Variants in DCHS1 observed in about 807,000 individuals in gnomAD.
The protein encoded by DCHS1 is protocadherin-16.
DCHS1 carries 78 observed loss-of-function variants against 213.9 expected under a neutral mutation model. The observed-to-expected ratio is 0.36, with a 90% CI of 0.30 to 0.44. DCHS1 has a LOEUF of 0.44. DCHS1 is among the 20% of genes least tolerant of loss of function. The probability of loss-of-function intolerance (pLI) is 1.00; values close to 1 mark genes in which losing one functional copy is unlikely to be tolerated. For missense variants in DCHS1, 3,946 were observed against 4,395.9 expected, an observed-to-expected ratio of 0.90 and a Z score of 2.89; for synonymous variants, 1,828 against 1,873.7, an observed-to-expected ratio of 0.98 and a Z score of 0.63.
chr11:6,628,691 C>A lies in DCHS1; in HGVS notation c.5301G>T (p.Gln1767His), dbSNP rs1855851599. ...CAGAGGCCCGAAGCATGGTAAGGGTCTGGGGGTCCTGGCCCTCAGGCACCT... is the reference window on the plus strand; with the variant it reads ...CAGAGGCCCGAAGCATGGTAAGGGTATGGGGGTCCTGGCCCTCAGGCACCT... ...SLEVPEGQDP[Q>H]TLTMLRASDP... Residue 1767 changes from glutamine (Q) to histidine (H), a missense_variant, in exon 13 of 21, where the codon CAG (glutamine) becomes CAT (histidine). Around this residue, in one of 3 missense-constraint regions of DCHS1, gnomAD observed 3,384 missense variants for 3,780.1 expected, o/e 0.90. Transcript: ENST00000299441. This position sits in a 1 kb window ranked among gnomAD's most constrained non-coding sequence, Gnocchi z 4.3. 8 of 1,614,048 alleles carry A rather than the reference C, an allele frequency of 5.0e-6. No homozygotes were observed. In the East Asian group the frequency reaches 1.8e-4, roughly 36 times the overall value.
Position 6,632,427 on chromosome 11 carries a change from C to T in DCHS1, c.3085G>A (p.Gly1029Arg). Residue 1029 changes from glycine (G) to arginine (R), a missense_variant, in exon 6 of 21, where the codon GGG (glycine) becomes AGG (arginine). By Grantham distance (125) the Gly-to-Arg change is moderately radical. Transcript: ENST00000299441. The surrounding 1 kb of genome is among the most constrained non-coding windows in gnomAD (Gnocchi z 5.9). ...GCAAGGTGATAGGTGATAGGGCCCC[C>T]ATCTGGTGCTTGGGCCTGCACTTGC... The part of the protein sequence containing the change: ...VLQVQAQAPD[G>R]GPITYHLAAE... 6.2e-7 allele frequency: 1 copy of T among 1,610,346 alleles called. No homozygotes were observed.
intron 1 of DCHS1, among the ~76,000 whole-genome samples, chr11:6,647,447 G>A (rs1461261332): frequency 2.0e-5 from 3 of 152,186 alleles, no homozygotes; most frequent in Admixed American, 2.0e-4. Flanking sequence ...GGCCAGAGCA[G>A]TGCCCGGGCC....
Position 6,621,932 on chromosome 11 carries a change from A to G in DCHS1, c.9744T>C (p.Ala3248=), listed in dbSNP as rs180772321. Residue 3248 remains alanine, a synonymous_variant, in exon 21 of 21, where the codon GCT becomes GCC. Transcript: ENST00000299441. ...AGGGTGAGAAGCTGGGGGACATGGC[A>G]GCTGAGGACAGGGAGCCTTCATGGC... ...PISHEGSLSS[A]AMSPSFSPSL... is the part of the protein sequence containing the mutation. 76 of 1,613,200 alleles carry G rather than the reference A, an allele frequency of 4.7e-5. No homozygotes were observed. In the East Asian group the frequency reaches 1.7e-3, roughly 35 times the overall value.
rs1178615949 is a variant in DCHS1, at chr11:6,632,603, G to A, written c.2909C>T (p.Ala970Val). The A allele has an allele frequency of 1.3e-6, 2 of 1,523,048 alleles. No homozygotes were observed. Among genetic ancestry groups the A allele is most frequent in the Admixed American group, 4.1e-5 (2 of 48,518 alleles). The allele number at this position is 1,523,048 out of a possible 1,614,324, so 94.3% of individuals were successfully genotyped here. A position where few individuals can be genotyped will look rare whatever the true frequency, so the allele number is the denominator to read the frequency against. ...GCGTGGTGGGGAGCCCCCATCCCGG[G>A]CCTCCAGCTCCAGCTCATGGGCTGG... is the stretch of plus-strand genomic sequence containing the variant. ...GGPAHELELE[A>V]RDGGSPPRTS... The change falls in exon 6 of 21, where the codon GCC becomes GTC. Residue 970 changes from alanine to valine, a missense_variant. Physicochemically the swap from Ala to Val is moderately conservative, Grantham distance 64. This residue lies in a region of DCHS1 where 3,384 missense variants were observed against 3,780.1 expected (regional missense o/e 0.90). Transcript: ENST00000299441. This position sits in a 1 kb window ranked among gnomAD's most constrained non-coding sequence, Gnocchi z 5.9.
In DCHS1 at chr11:6,623,546, T is replaced by A; in HGVS notation, c.8130A>T (p.Leu2710Phe). 3 of 1,612,106 alleles carry A rather than the reference T, an allele frequency of 1.9e-6. No individual in the cohort carries two copies. The highest frequency in any genetic ancestry group is 2.5e-6 in the Non-Finnish European group (3 of 1,179,138). The part of the protein sequence containing the change: ...NDHGPAFPLN[L>F]LSTSVAENQP... The stretch of plus-strand genomic sequence containing the variant: ...GATTCTCGGCCACGCTGGTGCTGAG[T>A]AAGTTCAGTGGGAAGGCTGGGCCAT... Residue 2710 changes from leucine (L) to phenylalanine (F), a missense_variant, in exon 21 of 21, where the codon TTA (leucine) becomes TTT (phenylalanine). Leu to Phe is a conservative substitution (Grantham distance 22, BLOSUM62 0). Transcript: ENST00000299441.
chr11:6,623,972 G>A lies in DCHS1; in HGVS notation c.7704C>T (p.Tyr2568=), dbSNP rs1257994848. The A allele has an allele frequency of 1.2e-6, 2 of 1,610,772 alleles. No homozygotes were observed. The highest frequency in any genetic ancestry group is 1.7e-6 in the Non-Finnish European group (2 of 1,177,496). Residue 2568 remains tyrosine (Y), a synonymous_variant, in exon 21 of 21, where the codon TAC becomes TAT. Coordinates refer to ENST00000299441, the MANE Select transcript of DCHS1 (RefSeq NM_003737.4). ...EPLDFESLTQ[Y]NLTVAAADRG... is the part of the protein sequence containing the mutation. The stretch of plus-strand genomic sequence containing the variant: ...GGTCAGCTGCAGCCACTGTTAGATT[G>A]TACTGTGTCAGGCTTTCAAAGTCTA...
chr11:6,630,166 G>C lies in DCHS1; in HGVS notation c.4628C>G (p.Ala1543Gly). 6.2e-7 allele frequency: 1 copy of C among 1,600,326 alleles called. No homozygotes were observed. Among genetic ancestry groups the C allele is most frequent in the Non-Finnish European group, 8.5e-7 (1 of 1,173,064 alleles). The stretch of plus-strand genomic sequence containing the variant: ...GCGTGACGGCGAGGCGAAGACAGGC[G>C]CGTTGTCATTCTCATCCGTGACGAA... ...RVFVTDENDN[A>G]PVFASPSRVR... Residue 1543 changes from alanine to glycine, a missense_variant, in exon 10 of 21, where the codon GCG becomes GGG. By Grantham distance (60) the Ala-to-Gly change is moderately conservative (BLOSUM62 0). Around this residue, in one of 3 missense-constraint regions of DCHS1, gnomAD observed 3,384 missense variants for 3,780.1 expected, o/e 0.90. Coordinates refer to ENST00000299441, the MANE Select transcript of DCHS1 (RefSeq NM_003737.4).
Position 6,625,527 on chromosome 11 carries a change from C to A in DCHS1, c.6863-46G>T. 6.2e-7 allele frequency: 1 copy of A among 1,610,368 alleles called. No individual in the cohort carries two copies. Among genetic ancestry groups the A allele is most frequent in the Non-Finnish European group, 8.5e-7 (1 of 1,178,910 alleles). On this transcript the variant is annotated intron_variant, in intron 18 of 20. Coordinates refer to ENST00000299441, the MANE Select transcript of DCHS1 (RefSeq NM_003737.4). This position sits in a 1 kb window ranked among gnomAD's most constrained non-coding sequence, Gnocchi z 5.3. ...GTGTTTGGCAATGGACACAGCCCCACCTTGAGCTGCAGGGTGGAGAAAAAT... is the reference window on the plus strand; with the variant it reads ...GTGTTTGGCAATGGACACAGCCCCAACTTGAGCTGCAGGGTGGAGAAAAAT...
Position 6,626,268 on chromosome 11 carries a change from C to G in DCHS1, c.6477G>C (p.Leu2159=), listed in dbSNP as rs143237719. The change falls in exon 16 of 21, where the codon CTG becomes CTC. Residue 2159 remains leucine, a synonymous_variant. Transcript: ENST00000299441. This position sits in a 1 kb window ranked among gnomAD's most constrained non-coding sequence, Gnocchi z 5.2. Reference sequence around the variant, plus strand: ...CATTGTCGTTGGCATCTTGCAGGGTCAGGGTCAGCACAGTGAAGGCAAAGG... The same window carrying G: ...CATTGTCGTTGGCATCTTGCAGGGTGAGGGTCAGCACAGTGAAGGCAAAGG... ...GGAFAFTVLT[L]TLQDANDNAP... is the part of the protein sequence containing the mutation. The G allele has an allele frequency of 1.7e-5, 28 of 1,613,164 alleles. No individual in the cohort carries two copies. The African/African-American group carries it at 3.5e-4, about 20-fold the overall frequency.
chr11:6,641,330 T>C lies in DCHS1; in HGVS notation c.284A>G (p.Asp95Gly). Reference protein sequence around the residue: ...GSGVGTDLAIDEHSGVVRTAR... With the variant: ...GSGVGTDLAIGEHSGVVRTAR... The stretch of plus-strand genomic sequence containing the variant: ...TGTACGGACGACCCCACTGTGTTCG[T>C]CAATGGCCAGGTCTGTGCCCACGCC... Residue 95 changes from aspartate (D) to glycine (G), a missense_variant, in exon 2 of 21, where the codon GAC becomes GGC. Physicochemically the swap from Asp to Gly is moderately conservative, Grantham distance 94. This residue lies in a region of DCHS1 where 3,384 missense variants were observed against 3,780.1 expected (regional missense o/e 0.90). Transcript: ENST00000299441. This position sits in a 1 kb window ranked among gnomAD's most constrained non-coding sequence, Gnocchi z 7.1. The C allele has an allele frequency of 6.2e-7, 1 of 1,613,604 alleles. No individual in the cohort carries two copies. Among genetic ancestry groups the C allele is most frequent in the Non-Finnish European group, 8.5e-7 (1 of 1,179,868 alleles).
In DCHS1 at chr11:6,621,618, G is replaced by T. The variant is rs1025571486; in HGVS notation, c.*161C>A. On this transcript the variant is annotated 3_prime_UTR_variant, in exon 21 of 21. Transcript: ENST00000299441. ...GAGCAACAGGGCTTCTGTGGTCCTA[G>T]TACTCTGAGGGGGCTGGGGAGTTCA... The T allele has an allele frequency of 3.7e-6, 3 of 814,282 alleles. No individual in the cohort carries two copies. The highest frequency in any genetic ancestry group is 4.0e-5 in the Admixed American group (2 of 50,080). 50.4% of individuals were successfully genotyped at this position (814,282 alleles called of 1,614,324 possible).
chr11:6,648,255 G>A (rs899933381), intron 1 of DCHS1, among the ~76,000 whole-genome samples: 1 of 152,154 alleles, frequency 6.6e-6, no homozygotes, highest in Non-Finnish European at 1.5e-5. Flanking sequence ...AGTGAGCAGA[G>A]AGTCTTGGAC....
chr11:6,635,852 G>A (rs537226889), intron 2 of DCHS1, among the ~76,000 whole-genome samples: 6 of 152,308 alleles, frequency 3.9e-5, no homozygotes, highest in Non-Finnish European at 7.3e-5. Context: ...AGGCACAGGG[G>A]CCACTGACTG....
chr11:6,649,833 G>A lies in DCHS1; in HGVS notation c.-121+5730C>T, dbSNP rs184452551. 1.8e-3 allele frequency among the ~76,000 whole-genome samples: 278 copies of A among 152,296 alleles called. 1 individual carries two copies. The highest frequency in any genetic ancestry group is 6.3e-3 in the African/African-American group (262 of 41,556). The stretch of plus-strand genomic sequence containing the variant: ...GGCCAGAGCTAGCAGAAAAGTTGGA[G>A]ATGTAGCAACCAGAATGTTGAAGGA... On this transcript the variant is annotated intron_variant, in intron 1 of 20. Coordinates refer to ENST00000299441, the MANE Select transcript of DCHS1 (RefSeq NM_003737.4).
Position 6,626,552 on chromosome 11 carries a change from C to T in DCHS1, c.6364G>A (p.Gly2122Ser). 1 of 1,613,810 alleles carries T rather than the reference C, an allele frequency of 6.2e-7. No individual in the cohort carries two copies. Among genetic ancestry groups the T allele is most frequent in the Non-Finnish European group, 8.5e-7 (1 of 1,179,712 alleles). ...KGTFSIQPSTGAITVRSAEGL... is the reference protein window; with the variant it reads ...KGTFSIQPSTSAITVRSAEGL... ...CAGAGCCCCTGCTCCTATTTCTTAC[C>T]TGTACTAGGCTGGATGGAGAATGTC... is the stretch of plus-strand genomic sequence containing the variant. The change falls in exon 15 of 21, where the codon GGT (glycine) becomes AGT (serine). Residue 2122 changes from glycine to serine, a missense_variant and splice_region_variant. Coordinates refer to ENST00000299441, the MANE Select transcript of DCHS1 (RefSeq NM_003737.4). This position sits in a 1 kb window ranked among gnomAD's most constrained non-coding sequence, Gnocchi z 5.2.
Position 6,634,101 on chromosome 11 carries a change from T to G in DCHS1, c.1986+17A>C, listed in dbSNP as rs2659869. 2.5e-6 allele frequency: 4 copies of G among 1,597,334 alleles called. No homozygotes were observed. Among genetic ancestry groups the G allele is most frequent in the East Asian group, 2.2e-5 (1 of 44,672 alleles). The stretch of plus-strand genomic sequence containing the variant: ...CCTACCCCAACATCCCAACCTGCCC[T>G]TGGTCTACTGACTTACCCCATCCAC... On this transcript the variant is annotated intron_variant, in intron 3 of 20. Coordinates refer to ENST00000299441, the MANE Select transcript of DCHS1 (RefSeq NM_003737.4).
Position 6,636,446 on chromosome 11 carries a change from C to T in DCHS1, c.1798-2140G>A, listed in dbSNP as rs186060956. Among the ~76,000 whole-genome samples, 976 of 152,212 alleles carry T rather than the reference C, an allele frequency of 6.4e-3. 12 individuals carry two copies. Among genetic ancestry groups the T allele is most frequent in the African/African-American group, 0.023 (936 of 41,510 alleles). On this transcript the variant is annotated intron_variant, in intron 2 of 20. Coordinates refer to ENST00000299441, the MANE Select transcript of DCHS1 (RefSeq NM_003737.4). Reference sequence around the variant, plus strand: ...GCTGGTCTCAAACTCCTGGCCTCAACCAGTCCTTCCACCTTGGCCTCCCAA... The same window carrying T: ...GCTGGTCTCAAACTCCTGGCCTCAATCAGTCCTTCCACCTTGGCCTCCCAA...
chr11:6,622,629 C>T lies in DCHS1; in HGVS notation c.9047G>A (p.Gly3016Glu). The change falls in exon 21 of 21, where the codon GGA (glycine) becomes GAA (glutamate). Residue 3016 changes from glycine (G) to glutamate (E), a missense_variant. Gly to Glu is a moderately conservative substitution (Grantham distance 98, BLOSUM62 -2). This residue lies in a region of DCHS1 where 554 missense variants were observed against 590.2 expected (regional missense o/e 0.94). Coordinates refer to ENST00000299441, the MANE Select transcript of DCHS1 (RefSeq NM_003737.4). The surrounding 1 kb of genome is among the most constrained non-coding windows in gnomAD (Gnocchi z 5.4). ...GGAGCCACCACGGGGGTAGGGTCCT[C>T]CAGCTCCTGGCCCACCATAGCTGGG... The part of the protein sequence containing the change: ...TLPSYGGPGA[G>E]GPYPRGGSLD... 1 of 1,585,878 alleles carries T rather than the reference C, an allele frequency of 6.3e-7. No individual in the cohort carries two copies. Among genetic ancestry groups the T allele is most frequent in the Non-Finnish European group, 8.6e-7 (1 of 1,166,454 alleles).
chr11:6,647,065 A>G (rs1273450759), intron 1 of DCHS1, among the ~76,000 whole-genome samples: 2 of 152,236 alleles, frequency 1.3e-5, no homozygotes, highest in Non-Finnish European at 2.9e-5. Context: ...AGCGAGGGGC[A>G]GAAAGACAAC....
Sources: gnomAD v4.1 joint callset for allele counts (sites outside exome capture counted in the v4.1 genomes callset) on GRCh38, gnomAD v4.1.1 for gene constraint, gnomAD v4.1.1 regional missense constraint, Gnocchi (gnomAD v3.1) non-coding constraint, MANE v1.5 for transcripts, NCBI Gene and HGNC (gene_info 2026-07-23, HGNC 2026-07-21) for gene names.